Variants in LRCH1 observed in about 807,000 individuals in gnomAD.
LRCH1 encodes the protein leucine-rich repeat and calponin homology domain-containing protein 1.
A neutral mutation model predicts 94.9 loss-of-function variants in LRCH1; 23 were observed. The ratio of observed to expected loss-of-function variants is 0.24; its 90% CI spans 0.17 to 0.34. The LOEUF (loss-of-function observed/expected upper bound fraction) is 0.34, where lower values mean the gene tolerates loss of function less well. Among genes scored for constraint, LRCH1 ranks in the 10% least tolerant of loss-of-function variants. The pLI, the probability that LRCH1 is intolerant of heterozygous loss-of-function variation, is 1.00. For synonymous variants in LRCH1, 364 were observed against 354.9 expected, an observed-to-expected ratio of 1.03 and a Z score of -0.29; for missense variants, 790 against 945.9, an observed-to-expected ratio of 0.84 and a Z score of 2.16.
chr13:46,630,989 G>A (rs1414023156), intron 1 of LRCH1, among the ~76,000 whole-genome samples: 1 of 152,092 alleles, frequency 6.6e-6, no homozygotes, highest in Non-Finnish European at 1.5e-5. Flanking sequence ...CTTTTTGTCT[G>A]GAGACCTCAA....
chr13:46,567,534 G>GT (rs2050198193), intron 1 of LRCH1, among the ~76,000 whole-genome samples: 1 of 150,240 alleles, frequency 6.7e-6, no homozygotes, highest in African/African-American at 2.5e-5. Flanking sequence ...GTGTTTTCCT[G>GT]GTGTTTTAGA....
intron 3 of LRCH1, among the ~76,000 whole-genome samples, chr13:46,674,165 A>T (rs2051640464): frequency 6.6e-6 from 1 of 152,194 alleles, no homozygotes; most frequent in Non-Finnish European, 1.5e-5. Context: ...AAATAAAATA[A>T]AAAAACTTTA....
intron 1 of LRCH1, among the ~76,000 whole-genome samples, chr13:46,569,872 G>A (rs2050223335): frequency 6.6e-6 from 1 of 152,052 alleles, no homozygotes; most frequent in Non-Finnish European, 1.5e-5. Flanking sequence ...CAGCTCTCCA[G>A]TCCCTGTCAA....
chr13:46,692,051 T>C (rs1870925919), intron 7 of LRCH1, among the ~76,000 whole-genome samples: 1 of 152,132 alleles, frequency 6.6e-6, no homozygotes, highest in African/African-American at 2.4e-5. Context: ...GCATAGACCC[T>C]TCTTGAGGTA....
intron 1 of LRCH1, among the ~76,000 whole-genome samples, chr13:46,638,909 TA>T (rs2051125815): frequency 6.6e-6 from 1 of 152,238 alleles, no homozygotes; most frequent in South Asian, 2.1e-4. Context: ...CTTATGTTTT[TA>T]TTTGTTATTT....
Position 46,742,271 on chromosome 13 carries a change from G to T in LRCH1, c.*423G>T, listed in dbSNP as rs1174880300. ...CAGTATTGAACTAGAATTCTAATTC[G>T]GGACTGGGCAATTGAGCTGTATAGG... On this transcript the variant is annotated 3_prime_UTR_variant, in exon 20 of 20. Transcript: ENST00000389797. 9.5e-7 allele frequency: 1 copy of T among 1,049,736 alleles called. No homozygotes were observed. The highest frequency in any genetic ancestry group is 1.2e-6 in the Non-Finnish European group (1 of 869,390). The allele number at this position is 1,049,736 out of a possible 1,614,324, so 65.0% of individuals were successfully genotyped here. A position where few individuals can be genotyped will look rare whatever the true frequency, so the allele number is the denominator to read the frequency against.
intron 1 of LRCH1, among the ~76,000 whole-genome samples, chr13:46,639,369 A>C (rs1209211776): frequency 6.6e-6 from 1 of 152,154 alleles, no homozygotes; most frequent in African/African-American, 2.4e-5. Context: ...TGCATTTCCG[A>C]AATTACTCAC....
downstream of LRCH1, among the ~76,000 whole-genome samples, chr13:46,747,803 T>C (rs1873972295): frequency 6.6e-6 from 1 of 151,894 alleles, no homozygotes; most frequent in Non-Finnish European, 1.5e-5. Context: ...AGTGGCACAA[T>C]CATAGCTCAC....
chr13:46,623,810 C>T (rs1415444887), intron 1 of LRCH1, among the ~76,000 whole-genome samples: 1 of 151,324 alleles, frequency 6.6e-6, no homozygotes, highest in Non-Finnish European at 1.5e-5. Flanking sequence ...GTGCTGCACC[C>T]ATTAACTCGT....
intron 1 of LRCH1, among the ~76,000 whole-genome samples, chr13:46,590,930 CTGAGA>C (rs2137961764): frequency 6.6e-6 from 1 of 151,922 alleles, no homozygotes; most frequent in Non-Finnish European, 1.5e-5. Context: ...CTTTTAGGAG[CTGAGA>C]TGTTTCTTCT....
intron 1 of LRCH1, among the ~76,000 whole-genome samples, chr13:46,626,744 C>G (rs758054691): frequency 2.6e-5 from 4 of 152,142 alleles, no homozygotes; most frequent in Non-Finnish European, 5.9e-5. Context: ...AGTTTTGTTG[C>G]TCTTCTACTT....
chr13:46,608,591 G>T (rs1448075810), intron 1 of LRCH1, among the ~76,000 whole-genome samples: 2 of 152,140 alleles, frequency 1.3e-5, no homozygotes, highest in Non-Finnish European at 2.9e-5. Flanking sequence ...TTACAGATTG[G>T]AGGGTTTTTA....
intron 9 of LRCH1, 31 bp downstream of exon 9, chr13:46,695,048 T>G: frequency 6.2e-7 from 1 of 1,610,716 alleles, no homozygotes; most frequent in Non-Finnish European, 8.5e-7. Context: ...TACGTTTTTT[T>G]ACTTATTTCC....
intron 1 of LRCH1, among the ~76,000 whole-genome samples, chr13:46,555,161 G>T (rs2050050357): frequency 6.6e-6 from 1 of 152,244 alleles, no homozygotes; most frequent in Non-Finnish European, 1.5e-5. Flanking sequence ...GCTGTCAACA[G>T]CTGGGGAGTG....
At chr13:46,647,112 CAAAAA>C (rs61648661) in intron 1 of LRCH1, among the ~76,000 whole-genome samples, 1 of 84,462 alleles carries the variant, frequency 1.2e-5, no homozygotes. Flanking sequence ...GACTCCAACT[CAAAAA>C]AAAAAAAAAA....
At chr13:46,599,162 G>C (rs1393156257) in intron 1 of LRCH1, among the ~76,000 whole-genome samples, 2 of 152,160 alleles carry the variant, frequency 1.3e-5, no homozygotes, top group Admixed American at 1.3e-4. Context: ...TACTGTAGCA[G>C]GTGTCAGAAT....
intron 3 of LRCH1, among the ~76,000 whole-genome samples, chr13:46,671,313 A>G (rs1239316683): frequency 5.3e-5 from 8 of 152,202 alleles, no homozygotes; most frequent in African/African-American, 1.9e-4. Context: ...TTTTCATAGC[A>G]TCACAGTTGT....
At chr13:46,726,031 C>T (rs1872798831) in intron 17 of LRCH1, among the ~76,000 whole-genome samples, 2 of 152,152 alleles carry the variant, frequency 1.3e-5, no homozygotes, top group African/African-American at 4.8e-5. Flanking sequence ...ATTTATATAA[C>T]ACTATTATAT....
chr13:46,616,720 T>G (rs529351267), intron 1 of LRCH1, among the ~76,000 whole-genome samples: 1 of 152,370 alleles, frequency 6.6e-6, no homozygotes, highest in South Asian at 2.1e-4. Flanking sequence ...CGCGTTCGTG[T>G]GAAGAGACCA....
Sources: allele counts gnomAD v4.1 joint callset (sites outside exome capture counted in the v4.1 genomes callset), GRCh38; gene constraint gnomAD v4.1.1; transcripts MANE v1.5; gene names NCBI Gene and HGNC (gene_info 2026-07-23, HGNC 2026-07-21).